NEXMIF: variants seen among roughly 807,000 people sequenced by gnomAD.
NEXMIF encodes neurite extension and migration factor, also known as XLMR protein related to neurite extension.
NEXMIF carries 8 observed loss-of-function variants against 62.1 expected under a neutral mutation model. The observed-to-expected ratio is 0.13, with a 90% CI of 0.08 to 0.23. The LOEUF is 0.23. Ranked by LOEUF, NEXMIF falls within the 10% of genes least tolerant of loss-of-function variation. NEXMIF has a pLI of 1.00. For synonymous variants in NEXMIF, 404 were observed against 416.6 expected (o/e 0.97, Z 0.37); for missense variants, 976 against 1,113.3 (o/e 0.88, Z 1.75).
chrX:74,810,999 A>AT (rs758464018), intron 1 of NEXMIF, among the ~76,000 whole-genome samples: 5 of 111,550 alleles, frequency 4.5e-5, no homozygotes, highest in Non-Finnish European at 9.4e-5. Context: ...ATCTCACTTA[A>AT]TATTTACAAT....
chrX:74,771,330 T>C (rs966319321), intron 1 of NEXMIF, among the ~76,000 whole-genome samples: 2 of 110,532 alleles, frequency 1.8e-5, no homozygotes, highest in African/African-American at 6.6e-5. Context: ...TGGCTAACAT[T>C]AGAGGTTAGT....
intron 1 of NEXMIF, among the ~76,000 whole-genome samples, chrX:74,802,224 C>A (rs1304788200): frequency 9.0e-6 from 1 of 110,955 alleles, no homozygotes; most frequent in East Asian, 2.8e-4. Context: ...AGGTGGTATC[C>A]AGGGAGTGGT....
intron 1 of NEXMIF, among the ~76,000 whole-genome samples, chrX:74,884,618 C>G (rs1458114097): frequency 8.9e-6 from 1 of 111,792 alleles, no homozygotes; most frequent in Non-Finnish European, 1.9e-5. Flanking sequence ...TATATGCGCA[C>G]AATACAGGAG....
Position 74,896,422 on chromosome X carries a change from A to G in NEXMIF, c.-48+28461T>C, listed in dbSNP as rs183368311. On this transcript the variant is annotated intron_variant, in intron 1 of 3. Transcript: ENST00000055682. ...TTCTTTTCAACTGATGACTCCTTAA[A>G]GGCAGGAGGCTCTTTGGGTATGGAA... 2.7e-3 allele frequency among the ~76,000 whole-genome samples: 304 copies of G among 112,374 alleles called. 1 individual carries two copies. The highest frequency in any genetic ancestry group is 9.3e-3 in the African/African-American group (288 of 30,963).
intron 1 of NEXMIF, among the ~76,000 whole-genome samples, chrX:74,775,459 G>A (rs1391532794): frequency 2.7e-5 from 3 of 111,711 alleles, no homozygotes; most frequent in African/African-American, 9.8e-5. Flanking sequence ...ATCTAATAAA[G>A]GGCATCTTGC....
intron 1 of NEXMIF, among the ~76,000 whole-genome samples, chrX:74,780,379 T>TG (rs2080242653): frequency 9.1e-6 from 1 of 109,302 alleles, no homozygotes. Context: ...CTTACTGTTT[T>TG]TTTTTTTTTT....
intron 1 of NEXMIF, among the ~76,000 whole-genome samples, chrX:74,892,519 G>T (rs2080721017): frequency 8.9e-6 from 1 of 112,011 alleles, no homozygotes; most frequent in South Asian, 3.7e-4. Flanking sequence ...TTGCCCTCCT[G>T]TCAGTCTGAA....
Position 74,888,052 on chromosome X carries a change from C to G in NEXMIF, c.-48+36831G>C, listed in dbSNP as rs1196128193. Among the ~76,000 whole-genome samples, 4 of 109,560 alleles carry G rather than the reference C, an allele frequency of 3.7e-5. No homozygotes were observed. The East Asian group carries it at 8.7e-4, about 24-fold the overall frequency. On this transcript the variant is annotated intron_variant, in intron 1 of 3. Transcript: ENST00000055682. ...ACTATCACAAGGACAAAAAACCAAACACGGCATGTTCTCACTCATAGGTGG... is the reference window on the plus strand; with the variant it reads ...ACTATCACAAGGACAAAAAACCAAAGACGGCATGTTCTCACTCATAGGTGG...
intron 1 of NEXMIF, among the ~76,000 whole-genome samples, chrX:74,884,669 T>C (rs747016415): frequency 2.7e-5 from 3 of 110,935 alleles, no homozygotes; most frequent in Admixed American, 9.6e-5. Context: ...GCCTACAAAG[T>C]GACTTAGACT....
rs2080827832 is a variant in NEXMIF, at chrX:74,921,738, A to G, written c.-48+3145T>C. Among the ~76,000 whole-genome samples the G allele has an allele frequency of 2.7e-5, 3 of 110,846 alleles. No individual in the cohort carries two copies. In the Admixed American group the frequency reaches 2.9e-4, roughly 11 times the overall value. ...GAAGTAAAAGAAAAAAAAAATGAAT[A>G]ATGTCCAAACCAAAAATCTCTTAAG... is the stretch of plus-strand genomic sequence containing the variant. On this transcript the variant is annotated intron_variant, in intron 1 of 3. Transcript: ENST00000055682.
At chrX:74,877,723 C>G (rs1459985244) in intron 1 of NEXMIF, among the ~76,000 whole-genome samples, 1 of 111,500 alleles carries the variant, frequency 9.0e-6, no homozygotes, top group Admixed American at 9.5e-5. Flanking sequence ...CTTCCCTTCT[C>G]GCTTCATTTC....
rs369552122 is a variant in NEXMIF, at chrX:74,771,790, T to G, written c.-47-26093A>C. Among the ~76,000 whole-genome samples, 14 of 111,291 alleles carry G rather than the reference T, an allele frequency of 1.3e-4. No homozygotes were observed. In the East Asian group the frequency reaches 4.0e-3, roughly 32 times the overall value. ...TCATAGGCTTACATGGTTATACAAT[T>G]TTTACATACAAATAAAATTTAACTC... is the stretch of plus-strand genomic sequence containing the variant. On this transcript the variant is annotated intron_variant, in intron 1 of 3. Transcript: ENST00000055682.
intron 1 of NEXMIF, among the ~76,000 whole-genome samples, chrX:74,768,815 A>G (rs1393408114): frequency 8.9e-6 from 1 of 112,451 alleles, no homozygotes; most frequent in African/African-American, 3.2e-5. Context: ...TTTAAAAAAG[A>G]CATAAAAGAA....
Position 74,740,151 on chromosome X carries a change from C to T in NEXMIF, c.4406G>A (p.Arg1469Gln), listed in dbSNP as rs151004644. 28 of 1,208,485 alleles carry T rather than the reference C, an allele frequency of 2.3e-5. No individual in the cohort carries two copies. The highest frequency in any genetic ancestry group is 8.8e-5 in the African/African-American group (5 of 56,893). ...DEKCKGKHME[R>Q]EQVHKDESGT... The stretch of plus-strand genomic sequence containing the variant: ...AGACTCATCCTTGTGGACCTGTTCT[C>T]GCTCCATGTGCTTTCCCTTACATTT... The change falls in exon 3 of 4, where the codon CGA becomes CAA. Residue 1469 changes from arginine (R) to glutamine (Q), a missense_variant. This residue lies in a region of NEXMIF where 137 missense variants were observed against 128.9 expected (regional missense o/e 1.06). Transcript: ENST00000055682.
chrX:74,909,859 C>T (rs754454201), intron 1 of NEXMIF, among the ~76,000 whole-genome samples: 19 of 112,325 alleles, frequency 1.7e-4, no homozygotes, highest in Non-Finnish European at 3.4e-4. Context: ...CCCATGGTTT[C>T]AGAGGGTACA....
At chrX:74,886,687 G>C (rs1413964532) in intron 1 of NEXMIF, among the ~76,000 whole-genome samples, 2 of 110,719 alleles carry the variant, frequency 1.8e-5, no homozygotes, top group Non-Finnish European at 3.8e-5. Context: ...ATGCTCATGG[G>C]TAGGAAGAAT....
intron 1 of NEXMIF, among the ~76,000 whole-genome samples, chrX:74,839,405 A>G (rs1178067179): frequency 8.9e-6 from 1 of 111,903 alleles, no homozygotes; most frequent in African/African-American, 3.2e-5. Context: ...AATTGCCCAA[A>G]TTGGGATTTT....
chrX:74,907,536 C>T (rs896209282), intron 1 of NEXMIF, among the ~76,000 whole-genome samples: 3 of 110,574 alleles, frequency 2.7e-5, no homozygotes, highest in East Asian at 2.8e-4. Flanking sequence ...CTGTGGGAAA[C>T]GACCTTAGAG....
intron 1 of NEXMIF, among the ~76,000 whole-genome samples, chrX:74,831,314 C>G (rs959583718): frequency 1.3e-4 from 14 of 108,678 alleles, no homozygotes; most frequent in Non-Finnish European, 2.5e-4. Context: ...TTTAGCATTA[C>G]GTATATCTCC....
Sources: allele counts gnomAD v4.1 joint callset (sites outside exome capture counted in the v4.1 genomes callset), GRCh38; gene constraint gnomAD v4.1.1; regional missense constraint gnomAD v4.1.1; transcripts MANE v1.5; gene names NCBI Gene and HGNC (gene_info 2026-07-23, HGNC 2026-07-21).